VWA3A: variants seen among roughly 807,000 people sequenced by gnomAD.
The protein encoded by VWA3A is von Willebrand factor A domain-containing protein 3A.
VWA3A carries 134 observed loss-of-function variants against 160.4 expected under a neutral mutation model. The ratio of observed to expected loss-of-function variants is 0.84; its 90% confidence interval spans 0.73 to 0.96. The LOEUF (loss-of-function observed/expected upper bound fraction) is 0.96, where lower values mean the gene tolerates loss of function less well. VWA3A is among the 40% of genes least tolerant of loss of function. The pLI, the probability that VWA3A is intolerant of heterozygous loss-of-function variation, is 0.00. For missense variants in VWA3A, 1,310 were observed against 1,447.9 expected (o/e 0.90, Z 1.55); for synonymous variants, 476 against 543.4 (o/e 0.88, Z 1.72).
intron 27 of VWA3A, 25 bp downstream of exon 27, chr16:22,146,369 G>T (rs1213878495): frequency 1.2e-6 from 2 of 1,601,126 alleles, no homozygotes; most frequent in Non-Finnish European, 1.7e-6. Flanking sequence ...TGCCCTGAAG[G>T]GTGGAGGAGC....
intron 21 of VWA3A, among the ~76,000 whole-genome samples, chr16:22,137,606 G>A (rs980019318): frequency 6.6e-6 from 1 of 152,176 alleles, no homozygotes; most frequent in Non-Finnish European, 1.5e-5. Context: ...TTTAATTATA[G>A]GACTGCCAAA....
At chr16:22,126,437 T>C in intron 17 of VWA3A, 140 bp downstream of exon 17, 2 of 1,268,888 alleles carry the variant, frequency 1.6e-6, no homozygotes, top group Non-Finnish European at 2.1e-6. Flanking sequence ...CATCGGTTTA[T>C]CTGATTTGGA....
intron 6 of VWA3A, 74 bp downstream of exon 6, chr16:22,103,603 C>T: frequency 1.3e-6 from 2 of 1,492,226 alleles, no homozygotes; most frequent in Non-Finnish European, 9.1e-7. Context: ...CTTTCAGTTG[C>T]AAATGTAGAC....
At chr16:22,110,703 C>A (rs1445155644) in intron 7 of VWA3A, among the ~76,000 whole-genome samples, 185 bp from the exon 8 acceptor site, 1 of 152,212 alleles carries the variant, frequency 6.6e-6, no homozygotes, top group Non-Finnish European at 1.5e-5. Context: ...CTCATCCCAC[C>A]CACAGGAGGC....
In VWA3A at chr16:22,110,989, C is replaced by T. The variant is rs928027020; in HGVS notation, c.684C>T (p.Ala228=). 2 of 1,604,672 alleles carry T rather than the reference C, an allele frequency of 1.2e-6. No individual in the cohort carries two copies. The highest frequency in any genetic ancestry group is 1.7e-6 in the Non-Finnish European group (2 of 1,175,706). The change falls in exon 8 of 34, where the codon GCC becomes GCT. Residue 228 remains alanine (A), a synonymous_variant. Coordinates refer to ENST00000389398, the MANE Select transcript of VWA3A (RefSeq NM_173615.5). ...GGCCAGACCCCATGGAAGTCAGCGC[C>T]TCCACGTGAGTGGCTTTCCTACCTG... The part of the protein sequence containing the change: ...SLWPDPMEVS[A]STLQELKLWV...
chr16:22,093,880 C>G (rs1233065300), intron 1 of VWA3A, among the ~76,000 whole-genome samples: 1 of 152,052 alleles, frequency 6.6e-6, no homozygotes, highest in Non-Finnish European at 1.5e-5. Flanking sequence ...CCTGCCCACC[C>G]CATCCTCCCT....
chr16:22,141,234 G>A, intron 23 of VWA3A: 1 of 496,514 alleles, frequency 2.0e-6, no homozygotes, highest in South Asian at 1.5e-5. Context: ...CAGAGTTCTG[G>A]AGTCAGCAGG....
chr16:22,108,132 G>A (rs948815008), intron 6 of VWA3A, among the ~76,000 whole-genome samples: 1 of 152,172 alleles, frequency 6.6e-6, no homozygotes, highest in Non-Finnish European at 1.5e-5. Context: ...AGGAAGGTGA[G>A]AACCTAACTT....
rs2046207857 is a variant in VWA3A at position 22,144,309 on chromosome 16, C to G, written c.2655C>G (p.Asn885Lys). ...KLEISRCMGP[N>K]CTHQKSGQRS... is the part of the protein sequence containing the mutation. ...AGATTTCCAGATGCATGGGTCCCAA[C>G]TGCACTCATCAAAAGTCAGGACAGA... The change falls in exon 26 of 34, where the codon AAC becomes AAG. Residue 885 changes from asparagine to lysine, a missense_variant. Asn to Lys is a moderately conservative substitution (Grantham distance 94). Coordinates refer to ENST00000389398, the MANE Select transcript of VWA3A (RefSeq NM_173615.5). 6.2e-7 allele frequency: 1 copy of G among 1,613,958 alleles called. No homozygotes were observed. Among genetic ancestry groups the G allele is most frequent in the Non-Finnish European group, 8.5e-7 (1 of 1,179,892 alleles).
chr16:22,100,452 C>T lies in VWA3A; in HGVS notation c.387C>T (p.Phe129=), dbSNP rs1304906131. The change falls in exon 5 of 34, where the codon TTC becomes TTT. Residue 129 remains phenylalanine, a synonymous_variant. Transcript: ENST00000389398. The part of the protein sequence containing the change: ...EGTNVVQKIC[F]STQIIRHFES... ...CCAATGTCGTGCAGAAAATATGTTTCTCCACCCAGATCATCCGCCATTTTG... is the reference window on the plus strand; with the variant it reads ...CCAATGTCGTGCAGAAAATATGTTTTTCCACCCAGATCATCCGCCATTTTG... The T allele has an allele frequency of 3.1e-5, 48 of 1,551,520 alleles. No homozygotes were observed. The highest frequency in any genetic ancestry group is 4.9e-5 in the East Asian group (2 of 40,924).
chr16:22,121,877 G>C (rs1315930208), intron 14 of VWA3A, among the ~76,000 whole-genome samples: 1 of 152,152 alleles, frequency 6.6e-6, no homozygotes, highest in Non-Finnish European at 1.5e-5. Flanking sequence ...ACTCAGACAG[G>C]ACAGACTTGC....
intron 12 of VWA3A, 35 bp downstream of exon 12, chr16:22,119,062 C>G: frequency 6.4e-6 from 10 of 1,572,762 alleles, no homozygotes; most frequent in Non-Finnish European, 8.6e-6. Flanking sequence ...GGGGCCTTCT[C>G]CCAGCAGCAC....
Position 22,138,361 on chromosome 16 carries a change from G to T in VWA3A, c.2141G>T (p.Cys714Phe), listed in dbSNP as rs1479347862. ...CTGACCCTCCCAATCCCACTGCAGT[G>T]TGCCTTCCTCATGGCCTCCCTGAAG... ...MEKALNYSQK[C>F]AFLMASLKNH... The change falls in exon 22 of 34, where the codon TGT becomes TTT. Residue 714 changes from cysteine to phenylalanine, a missense_variant and splice_region_variant. Cys to Phe is a radical substitution (Grantham distance 205). Transcript: ENST00000389398. 1 of 1,585,990 alleles carries T rather than the reference G, an allele frequency of 6.3e-7. No homozygotes were observed. The highest frequency in any genetic ancestry group is 2.3e-5 in the East Asian group (1 of 43,418).
At position 22,113,155 on chromosome 16, in the gene VWA3A, GTTTAT is replaced by G. The variant is rs974655126; in HGVS notation, c.689+2170_689+2174del. ...TCATATCTTTACCATGTGTACTATT[GTTTAT>G]TTTATTTTTTATTTATTTGGTTTTT... is the stretch of plus-strand genomic sequence containing the variant. On this transcript the variant is annotated intron_variant, in intron 8 of 33. Coordinates refer to ENST00000389398, the MANE Select transcript of VWA3A (RefSeq NM_173615.5). Among the ~76,000 whole-genome samples, 23 of 151,860 alleles carry G rather than the reference GTTTAT, an allele frequency of 1.5e-4. No homozygotes were observed. In the East Asian group the frequency reaches 4.1e-3, roughly 27 times the overall value.
At chr16:22,118,824 G>A in intron 11 of VWA3A, 78 bp from the exon 12 acceptor site, 1 of 1,582,886 alleles carries the variant, frequency 6.3e-7, no homozygotes, top group Non-Finnish European at 8.6e-7. Context: ...CATTGGCCTG[G>A]CTGCTTGCCC....
rs762345742 is a variant in VWA3A at position 22,148,260 on chromosome 16, G to C, written c.2938G>C (p.Glu980Gln). The change falls in exon 28 of 34, where the codon GAG becomes CAG. Residue 980 changes from glutamate to glutamine, a missense_variant. Coordinates refer to ENST00000389398, the MANE Select transcript of VWA3A (RefSeq NM_173615.5). Reference protein sequence around the residue: ...MGPYLQQVKTELVLLIWEQLR... With the variant: ...MGPYLQQVKTQLVLLIWEQLR... Reference sequence around the variant, plus strand: ...CCCCTACCTGCAGCAGGTGAAGACAGAGCTGGTTTTGCTGATTTGGGAACA... The same window carrying C: ...CCCCTACCTGCAGCAGGTGAAGACACAGCTGGTTTTGCTGATTTGGGAACA... 9.4e-6 allele frequency: 15 copies of C among 1,598,260 alleles called. No individual in the cohort carries two copies. The highest frequency in any genetic ancestry group is 1.3e-5 in the Non-Finnish European group (15 of 1,172,746).
intron 6 of VWA3A, among the ~76,000 whole-genome samples, chr16:22,107,695 A>G (rs558464872): frequency 1.5e-3 from 234 of 152,284 alleles, no homozygotes; most frequent in African/African-American, 5.4e-3. Flanking sequence ...GCAGTGAGCT[A>G]TGATTGTGCC....
In VWA3A at chr16:22,097,604, A is replaced by T. The variant is rs867009078; in HGVS notation, c.134A>T (p.Lys45Met). 7.7e-6 allele frequency: 12 copies of T among 1,551,784 alleles called. No individual in the cohort carries two copies. The South Asian group carries it at 1.4e-4, about 18-fold the overall frequency. The change falls in exon 3 of 34, where the codon AAG becomes ATG. Residue 45 changes from lysine (K) to methionine (M), a missense_variant. Physicochemically the swap from Lys to Met is moderately conservative, Grantham distance 95 (BLOSUM62 -1). Transcript: ENST00000389398. ...IRRNTGRDSK[K>M]PLKQKNMNGL... is the part of the protein sequence containing the mutation. ...AGAAACACTGGCAGAGATTCAAAGAAGCCACTAAAGCAGAAGAATATGAAT... is the reference window on the plus strand; with the variant it reads ...AGAAACACTGGCAGAGATTCAAAGATGCCACTAAAGCAGAAGAATATGAAT...
At chr16:22,109,143 T>C (rs896833236) in intron 6 of VWA3A, among the ~76,000 whole-genome samples, 1 of 152,210 alleles carries the variant, frequency 6.6e-6, no homozygotes, top group Non-Finnish European at 1.5e-5. Flanking sequence ...GATAAGCTAA[T>C]ATAAATAGCC....
Sources: allele counts gnomAD v4.1 joint callset (sites outside exome capture counted in the v4.1 genomes callset), GRCh38; gene constraint gnomAD v4.1.1; transcripts MANE v1.5; gene names NCBI Gene and HGNC (gene_info 2026-07-23, HGNC 2026-07-21).